ST8SIA4: variants seen among roughly 807,000 people sequenced by gnomAD.
The protein encoded by ST8SIA4 is CMP-N-acetylneuraminate-poly-alpha-2,8-sialyltransferase.
A neutral mutation model predicts 33.9 loss-of-function variants in ST8SIA4; 15 were observed. That is an observed-to-expected ratio of 0.44 (90% CI 0.30 to 0.68). ST8SIA4 has a LOEUF of 0.68. Ranked by LOEUF, ST8SIA4 falls within the 30% of genes least tolerant of loss-of-function variation. The pLI, the probability that ST8SIA4 is intolerant of heterozygous loss-of-function variation, is 0.10. For missense variants in ST8SIA4, 321 were observed against 428.0 expected (o/e 0.75, Z 2.21); for synonymous variants, 171 against 151.2 (o/e 1.13, Z -0.96).
At chr5:100,813,523 G>A (rs1228141720) in intron 4 of ST8SIA4, among the ~76,000 whole-genome samples, 2 of 151,906 alleles carry the variant, frequency 1.3e-5, no homozygotes, top group Admixed American at 6.6e-5. Context: ...TTTCAGAGAA[G>A]AACATCTAGG....
chr5:100,815,503 A>G (rs1023945415), intron 4 of ST8SIA4, among the ~76,000 whole-genome samples: 3 of 145,044 alleles, frequency 2.1e-5, no homozygotes, highest in African/African-American at 5.1e-5. Flanking sequence ...CTTCTGTTGT[A>G]TGAAACATTC....
intron 4 of ST8SIA4, among the ~76,000 whole-genome samples, chr5:100,844,991 A>C (rs1216944410): frequency 6.6e-6 from 1 of 152,096 alleles, no homozygotes; most frequent in Non-Finnish European, 1.5e-5. Flanking sequence ...TGTTTCCTAC[A>C]TGGCAATTCT....
chr5:100,835,694 T>G (rs912581263), intron 4 of ST8SIA4, among the ~76,000 whole-genome samples: 19 of 152,142 alleles, frequency 1.2e-4, no homozygotes, highest in African/African-American at 4.6e-4. Flanking sequence ...CATAGTGAAG[T>G]CCATAGATAT....
At chr5:100,886,278 T>C (rs1752534189) in intron 3 of ST8SIA4, 65 bp downstream of exon 3, 11 of 1,563,000 alleles carry the variant, frequency 7.0e-6, no homozygotes, top group Non-Finnish European at 9.5e-6. Context: ...TTTCTAACAG[T>C]TTTCCACCCC....
At position 100,886,355 on chromosome 5, in the gene ST8SIA4, T is replaced by G; in HGVS notation, c.491A>C (p.Asn164Thr). The G allele has an allele frequency of 6.2e-7, 1 of 1,613,376 alleles. No homozygotes were observed. Among genetic ancestry groups the G allele is most frequent in the Non-Finnish European group, 8.5e-7 (1 of 1,179,432 alleles). The change falls in exon 3 of 5, where the codon AAT becomes ACT. Residue 164 changes from asparagine to threonine, a missense_variant. Asn to Thr is a moderately conservative substitution (Grantham distance 65). Transcript: ENST00000231461. ...SECGKEIDSH[N>T]FVIRCNLAPV... ...GAAGAAAGCTCACCTTATTACAAAA[T>G]TGTGACTGTCAATCTCCTTTCCACA...
intron 1 of ST8SIA4, among the ~76,000 whole-genome samples, chr5:100,900,035 A>G (rs533354201): frequency 2.0e-5 from 3 of 152,242 alleles, no homozygotes; most frequent in South Asian, 2.1e-4. Flanking sequence ...GGTTGGTGAG[A>G]AGGTTGTGCT....
chr5:100,878,241 G>A (rs566255992), intron 3 of ST8SIA4, among the ~76,000 whole-genome samples: 14 of 151,850 alleles, frequency 9.2e-5, no homozygotes, highest in Non-Finnish European at 2.1e-4. Flanking sequence ...GCAATGGAGC[G>A]ATCTCTGATC....
Position 100,873,716 on chromosome 5 carries a change from T to C in ST8SIA4, c.503+12627A>G, listed in dbSNP as rs181249569. On this transcript the variant is annotated intron_variant, in intron 3 of 4. Transcript: ENST00000231461. ...CAGCCATCCCAGAGAAAGGAAAGAA[T>C]TTACCACCACTTTTCCAACAAAGGT... Among the ~76,000 whole-genome samples the C allele has an allele frequency of 3.3e-3, 501 of 152,270 alleles. 3 individuals carry two copies. Among genetic ancestry groups the C allele is most frequent in the Non-Finnish European group, 3.6e-3 (246 of 68,004 alleles).
chr5:100,853,045 G>T (rs1477840308), intron 4 of ST8SIA4, among the ~76,000 whole-genome samples: 1 of 152,168 alleles, frequency 6.6e-6, no homozygotes, highest in Non-Finnish European at 1.5e-5. Flanking sequence ...AATCAACAGA[G>T]GATATGAAAC....
chr5:100,852,473 A>G (rs2112435680), intron 4 of ST8SIA4, among the ~76,000 whole-genome samples: 1 of 44,138 alleles, frequency 2.3e-5, no homozygotes, highest in Admixed American at 1.8e-4. Context: ...TGTTAATTTG[A>G]AAAATGCAGC....
At position 100,902,928 on chromosome 5, in the gene ST8SIA4, T is replaced by G. The variant is rs1374895196; in HGVS notation, c.28A>C (p.Ile10Leu). The G allele has an allele frequency of 6.2e-7, 1 of 1,614,094 alleles. No individual in the cohort carries two copies. The highest frequency in any genetic ancestry group is 1.3e-5 in the African/African-American group (1 of 74,932). MRSIRKRWT[I>L]CTISLLLIFY... ...ATCAGGAGCAGACTTATTGTGCAGA[T>G]CGTCCACCTCTTCCTAATGGAGCGC... is the stretch of plus-strand genomic sequence containing the variant. The change falls in exon 1 of 5, where the codon ATC becomes CTC. Residue 10 changes from isoleucine to leucine, a missense_variant. Ile to Leu is a conservative substitution (Grantham distance 5). Transcript: ENST00000231461.
At chr5:100,867,461 AAAC>A (rs562140032) in intron 3 of ST8SIA4, among the ~76,000 whole-genome samples, 204 of 152,146 alleles carry the variant, frequency 1.3e-3, no homozygotes, top group African/African-American at 4.5e-3. Context: ...AAAAAGAACG[AAAC>A]AACATTTATT....
intron 3 of ST8SIA4, among the ~76,000 whole-genome samples, chr5:100,857,843 G>A (rs1751851278): frequency 6.6e-6 from 1 of 151,850 alleles, no homozygotes; most frequent in South Asian, 2.1e-4. Flanking sequence ...GTTAGCTACT[G>A]AGGGAAAAAT....
At chr5:100,879,281 A>T (rs1197051056) in intron 3 of ST8SIA4, among the ~76,000 whole-genome samples, 2 of 152,180 alleles carry the variant, frequency 1.3e-5, no homozygotes, top group Non-Finnish European at 2.9e-5. Flanking sequence ...TGCCATTTAC[A>T]AATTTTCAAG....
intron 3 of ST8SIA4, among the ~76,000 whole-genome samples, chr5:100,857,947 A>G (rs1194882998): frequency 1.3e-5 from 2 of 152,026 alleles, no homozygotes; most frequent in Non-Finnish European, 1.5e-5. Flanking sequence ...ATGACAGAGT[A>G]TGTATTTGTT....
chr5:100,863,506 T>C (rs1193398269), intron 3 of ST8SIA4, among the ~76,000 whole-genome samples: 1 of 152,182 alleles, frequency 6.6e-6, no homozygotes, highest in Admixed American at 6.5e-5. Context: ...TAAAATCCAC[T>C]CATGGAGTTT....
At chr5:100,890,921 C>G (rs1353746524) in intron 2 of ST8SIA4, 1 of 151,678 alleles carries the variant, frequency 6.6e-6, no homozygotes, top group Non-Finnish European at 1.5e-5. Flanking sequence ...AGAGTTCTAC[C>G]CAGAAACTTT....
At chr5:100,833,566 G>T (rs939771125) in intron 4 of ST8SIA4, among the ~76,000 whole-genome samples, 8 of 152,146 alleles carry the variant, frequency 5.3e-5, no homozygotes, top group African/African-American at 1.9e-4. Context: ...TCATTCCTCA[G>T]TTTTCTCAAG....
chr5:100,813,958 A>G (rs184502835), intron 4 of ST8SIA4, among the ~76,000 whole-genome samples: 99 of 152,130 alleles, frequency 6.5e-4, no homozygotes, highest in African/African-American at 2.3e-3. Context: ...AATTATTTCT[A>G]AAGTGAGAAA....
Sources: allele counts gnomAD v4.1 joint callset (sites outside exome capture counted in the v4.1 genomes callset), GRCh38; gene constraint gnomAD v4.1.1; transcripts MANE v1.5; gene names NCBI Gene and HGNC (gene_info 2026-07-23, HGNC 2026-07-21).